The following EYS variants were observed in gnomAD, a reference collection of about 807,000 sequenced individuals.
The protein encoded by EYS is protein eyes shut homolog.
EYS carries 250 observed loss-of-function variants against 282.1 expected under a neutral mutation model. The ratio of observed to expected loss-of-function variants is 0.89; its 90% CI spans 0.80 to 0.98. The LOEUF is 0.98. EYS is among the 50% of genes least tolerant of loss of function. The pLI is 0.00. For missense variants in EYS, 4,016 were observed against 3,709.0 expected (o/e 1.08, Z -2.15); for synonymous variants, 1,355 against 1,282.9 (o/e 1.06, Z -1.20).
At chr6:65,233,172 C>T (rs761624917) in intron 12 of EYS, among the ~76,000 whole-genome samples, 2 of 152,040 alleles carry the variant, frequency 1.3e-5, no homozygotes, top group Non-Finnish European at 2.9e-5. Context: ...CATGTAGGCC[C>T]CATCAAAGAC....
At chr6:65,176,825 T>C (rs1454256548) in intron 12 of EYS, among the ~76,000 whole-genome samples, 1 of 151,716 alleles carries the variant, frequency 6.6e-6, no homozygotes, top group African/African-American at 2.4e-5. Flanking sequence ...TGAAATTATT[T>C]GCATTAAGTT....
At chr6:64,824,190 T>G (rs2150023761) in intron 19 of EYS, among the ~76,000 whole-genome samples, 1 of 152,084 alleles carries the variant, frequency 6.6e-6, no homozygotes, top group South Asian at 2.1e-4. Flanking sequence ...CATGCTGGGC[T>G]TGGTCATATG....
intron 2 of EYS, among the ~76,000 whole-genome samples, chr6:65,584,356 A>G (rs1764969616): frequency 6.6e-6 from 1 of 152,096 alleles, no homozygotes; most frequent in African/African-American, 2.4e-5. Flanking sequence ...GGAGAACTCC[A>G]CACAACAGAA....
chr6:65,609,415 TAGAG>T (rs1186612888), intron 2 of EYS, among the ~76,000 whole-genome samples: 1 of 151,824 alleles, frequency 6.6e-6, no homozygotes, highest in Non-Finnish European at 1.5e-5. Context: ...TCTTTTAAAA[TAGAG>T]AATGTACCCT....
intron 2 of EYS, among the ~76,000 whole-genome samples, chr6:65,635,407 C>G (rs563288340): frequency 6.6e-6 from 1 of 152,120 alleles, no homozygotes; most frequent in Non-Finnish European, 1.5e-5. Flanking sequence ...CCCCATCTTG[C>G]CTTTCCCTTC....
chr6:65,114,749 T>C (rs1172557984), intron 12 of EYS, among the ~76,000 whole-genome samples: 6 of 152,018 alleles, frequency 3.9e-5, no homozygotes, highest in Non-Finnish European at 7.4e-5. Context: ...AGTGATTTCA[T>C]CCACTATTAC....
intron 12 of EYS, among the ~76,000 whole-genome samples, chr6:65,205,777 G>T (rs1766019751): frequency 1.3e-5 from 2 of 151,834 alleles, no homozygotes; most frequent in South Asian, 2.1e-4. Context: ...AAAACAATTT[G>T]CTCCTGAATG....
chr6:65,200,298 G>A (rs1765867930), intron 12 of EYS, among the ~76,000 whole-genome samples: 1 of 151,580 alleles, frequency 6.6e-6, no homozygotes, highest in African/African-American at 2.4e-5. Flanking sequence ...GAAAATCCAG[G>A]TGGAGATGAC....
In EYS at chr6:65,382,213, G is replaced by GTTTT. The variant is rs67123749; in HGVS notation, c.1299+2169_1299+2172dup. On this transcript the variant is annotated intron_variant, in intron 8 of 42. Coordinates refer to ENST00000503581, the MANE Select transcript of EYS (RefSeq NM_001142800.2). ...GTCATGAAGAACCTCATCCTTTGGTGTTTTTTTTTTTTTTTTTTTGCTCCA... is the reference window on the plus strand; with the variant it reads ...GTCATGAAGAACCTCATCCTTTGGTGTTTTTTTTTTTTTTTTTTTTTTTGCTCCA... 1.1e-3 allele frequency among the ~76,000 whole-genome samples: 120 copies of GTTTT among 104,852 alleles called. 1 individual carries two copies. Among genetic ancestry groups the GTTTT allele is most frequent in the Non-Finnish European group, 1.5e-3 (83 of 53,828 alleles). The allele number at this position is 104,852 out of a possible 152,430, so 68.8% of individuals were successfully genotyped here.
intron 35 of EYS, among the ~76,000 whole-genome samples, chr6:63,869,401 T>C (rs1772746419): frequency 1.1e-5 from 1 of 93,202 alleles, no homozygotes; most frequent in Non-Finnish European, 2.7e-5. Flanking sequence ...ATGGTTCACT[T>C]TACAAAAAAA....
intron 28 of EYS, among the ~76,000 whole-genome samples, chr6:64,395,747 A>G (rs1013184796): frequency 1.7e-4 from 26 of 151,840 alleles, no homozygotes; most frequent in Non-Finnish European, 1.6e-4. Flanking sequence ...ACTAACCTGC[A>G]CAATGTGCAC....
In EYS at chr6:63,919,961, G is replaced by A. The variant is rs781241945; in HGVS notation, c.7056-55603C>T. On this transcript the variant is annotated intron_variant, in intron 35 of 42. Transcript: ENST00000503581. ...GCTCTACGTAAATTGCGTAAATCAA[G>A]TTGTTGTTTGTTTTCTGACTCCTCT... 3.3e-5 allele frequency among the ~76,000 whole-genome samples: 5 copies of A among 152,152 alleles called. No individual in the cohort carries two copies. In the South Asian group the frequency reaches 6.2e-4, roughly 19 times the overall value.
intron 31 of EYS, among the ~76,000 whole-genome samples, chr6:64,189,385 GT>G (rs1373785949): frequency 6.6e-6 from 1 of 152,120 alleles, no homozygotes; most frequent in Non-Finnish European, 1.5e-5. Flanking sequence ...GAAGAATAAC[GT>G]TTTGTGCTTT....
intron 41 of EYS, among the ~76,000 whole-genome samples, chr6:63,742,937 A>G (rs1373375264): frequency 6.6e-6 from 1 of 152,072 alleles, no homozygotes; most frequent in Non-Finnish European, 1.5e-5. Flanking sequence ...CCATTTGTGT[A>G]TGTGATTTTG....
intron 22 of EYS, among the ~76,000 whole-genome samples, chr6:64,765,081 T>G (rs1247258677): frequency 6.6e-6 from 1 of 152,208 alleles, no homozygotes; most frequent in African/African-American, 2.4e-5. Flanking sequence ...ATAATCTCTT[T>G]GTTCACACAT....
chr6:64,507,306 A>G (rs149459443), intron 26 of EYS, among the ~76,000 whole-genome samples: 70 of 152,282 alleles, frequency 4.6e-4, no homozygotes, highest in African/African-American at 1.6e-3. Flanking sequence ...AGGATATAAA[A>G]TTGTTGTTTA....
chr6:64,895,198 T>C (rs1767419637), intron 18 of EYS, among the ~76,000 whole-genome samples: 1 of 152,086 alleles, frequency 6.6e-6, no homozygotes, highest in Admixed American at 6.6e-5. Context: ...TGTTGGAAAA[T>C]TAAACAGGAT....
intron 14 of EYS, among the ~76,000 whole-genome samples, chr6:64,948,157 G>C (rs116083366): frequency 9.3e-4 from 140 of 151,016 alleles, no homozygotes; most frequent in African/African-American, 3.1e-3. Context: ...TATACAAAAA[G>C]AAAACATAAA....
chr6:64,235,421 A>G (rs1582464499), intron 30 of EYS, among the ~76,000 whole-genome samples: 1 of 152,122 alleles, frequency 6.6e-6, no homozygotes, highest in Non-Finnish European at 1.5e-5. Context: ...ACATGAACTC[A>G]TCATTTTTTA....
Sources: gnomAD v4.1 joint callset for allele counts (sites outside exome capture counted in the v4.1 genomes callset) on GRCh38, gnomAD v4.1.1 for gene constraint, MANE v1.5 for transcripts, NCBI Gene and HGNC (gene_info 2026-07-23, HGNC 2026-07-21) for gene names.